PTPRM: variants seen among roughly 807,000 people sequenced by gnomAD.
PTPRM encodes the protein receptor-type tyrosine-protein phosphatase mu.
In PTPRM, 47 loss-of-function variants were observed where a neutral mutation model predicts 186.7. That is an observed-to-expected ratio of 0.25 (90% CI 0.20 to 0.32). PTPRM has a LOEUF of 0.32. Ranked by LOEUF, PTPRM falls within the 10% of genes least tolerant of loss-of-function variation. The probability of loss-of-function intolerance (pLI) is 1.00; values close to 1 mark genes in which losing one functional copy is unlikely to be tolerated. For synonymous variants in PTPRM, 668 were observed against 674.9 expected, an observed-to-expected ratio of 0.99 and a Z score of 0.16; for missense variants, 1,494 against 1,865.0, an observed-to-expected ratio of 0.80 and a Z score of 3.66.
chr18:7,741,348 C>T (rs2040881375), intron 1 of PTPRM: 1 of 152,124 alleles, frequency 6.6e-6, no homozygotes, highest in Non-Finnish European at 1.5e-5. Flanking sequence ...CATGCGTTTT[C>T]ATTGAGGCCA....
chr18:8,388,853 C>T (rs191198467), intron 31 of PTPRM, among the ~76,000 whole-genome samples: 18 of 152,090 alleles, frequency 1.2e-4, no homozygotes, highest in Admixed American at 4.6e-4. Context: ...CCCAGCTACT[C>T]GGGAGACTGA....
At chr18:7,751,032 C>G (rs2041191698) in intron 1 of PTPRM, 1 of 148,798 alleles carries the variant, frequency 6.7e-6, no homozygotes, top group South Asian at 2.2e-4. Flanking sequence ...CAGTGAGATG[C>G]ACACATATTT....
At chr18:7,570,110 A>C (rs1381452896) in intron 1 of PTPRM, among the ~76,000 whole-genome samples, 1 of 152,130 alleles carries the variant, frequency 6.6e-6, no homozygotes, top group East Asian at 1.9e-4. Context: ...TGGGTGACAG[A>C]GTGAGAATCC....
intron 2 of PTPRM, among the ~76,000 whole-genome samples, chr18:7,841,378 G>A (rs889165627): frequency 3.1e-5 from 4 of 130,866 alleles, no homozygotes; most frequent in South Asian, 2.6e-4. Flanking sequence ...TGCAAGCTCC[G>A]CCTCCTGGGT....
At chr18:8,172,822 A>AAAC (rs1055603091) in intron 14 of PTPRM, among the ~76,000 whole-genome samples, 1 of 152,214 alleles carries the variant, frequency 6.6e-6, no homozygotes, top group Non-Finnish European at 1.5e-5. Flanking sequence ...TCTCACCAGC[A>AAAC]AACACCATGG....
chr18:8,363,482 C>T (rs2095609097), intron 23 of PTPRM, among the ~76,000 whole-genome samples: 1 of 152,174 alleles, frequency 6.6e-6, no homozygotes, highest in Non-Finnish European at 1.5e-5. Flanking sequence ...GAAATGTCCT[C>T]TCTGATGTAC....
chr18:8,324,280 T>C (rs1241119247), intron 22 of PTPRM, among the ~76,000 whole-genome samples: 1 of 152,222 alleles, frequency 6.6e-6, no homozygotes, highest in Admixed American at 6.5e-5. Flanking sequence ...AGTATTGTTA[T>C]AATCGTTAGT....
intron 1 of PTPRM, among the ~76,000 whole-genome samples, chr18:7,715,827 A>G (rs1256149521): frequency 3.3e-5 from 5 of 152,306 alleles, no homozygotes; most frequent in African/African-American, 1.2e-4. Context: ...CTTCAAGGAG[A>G]ACTACAAACC....
chr18:7,993,017 T>TA (rs1474843884), intron 7 of PTPRM, among the ~76,000 whole-genome samples: 2 of 151,506 alleles, frequency 1.3e-5, no homozygotes, highest in African/African-American at 2.4e-5. Flanking sequence ...ACCACACAAT[T>TA]AAAAAAACAT....
chr18:7,802,662 G>A (rs536387572), intron 2 of PTPRM, among the ~76,000 whole-genome samples: 2 of 152,270 alleles, frequency 1.3e-5, no homozygotes, highest in South Asian at 2.1e-4. Context: ...CTGAACAAGC[G>A]ATTATGTCAC....
At chr18:8,263,389 G>A (rs1166493332) in intron 19 of PTPRM, among the ~76,000 whole-genome samples, 2 of 152,172 alleles carry the variant, frequency 1.3e-5, no homozygotes, top group Non-Finnish European at 2.9e-5. Flanking sequence ...GATAACAGGT[G>A]TGAGCCACCA....
chr18:8,327,581 G>A (rs760872355), intron 22 of PTPRM, among the ~76,000 whole-genome samples: 1 of 152,200 alleles, frequency 6.6e-6, no homozygotes, highest in Non-Finnish European at 1.5e-5. Flanking sequence ...GACTTACGAT[G>A]TGCCACGCAC....
intron 6 of PTPRM, among the ~76,000 whole-genome samples, chr18:7,952,688 C>CAA (rs759055250): frequency 8.5e-5 from 8 of 93,942 alleles, no homozygotes; most frequent in African/African-American, 1.2e-4. Context: ...GACTCCATCT[C>CAA]AAAAAAAAAA....
At chr18:7,919,452 T>A (rs1330775994) in intron 4 of PTPRM, among the ~76,000 whole-genome samples, 1 of 152,154 alleles carries the variant, frequency 6.6e-6, no homozygotes, top group Non-Finnish European at 1.5e-5. Context: ...CCTATGGGAT[T>A]TTCCTCTTAA....
intron 14 of PTPRM, among the ~76,000 whole-genome samples, chr18:8,220,947 C>T (rs2094146416): frequency 6.6e-6 from 1 of 152,094 alleles, no homozygotes; most frequent in Admixed American, 6.6e-5. Flanking sequence ...ACAGACTGTA[C>T]AAAACCCTTA....
At chr18:8,076,975 A>G (rs1345425033) in intron 9 of PTPRM, among the ~76,000 whole-genome samples, 3 of 152,196 alleles carry the variant, frequency 2.0e-5, no homozygotes, top group Admixed American at 6.5e-5. Context: ...GTCAATAAAT[A>G]TTGTCTCAGG....
chr18:7,783,746 TTTTG>T (rs888030830), intron 2 of PTPRM, among the ~76,000 whole-genome samples: 3 of 87,160 alleles, frequency 3.4e-5, no homozygotes, highest in African/African-American at 1.8e-4. Flanking sequence ...TAATTTTTAA[TTTTG>T]TGTGTGTGTG....
At chr18:7,988,409 G>A (rs2083084769) in intron 7 of PTPRM, among the ~76,000 whole-genome samples, 1 of 152,092 alleles carries the variant, frequency 6.6e-6, no homozygotes, top group Admixed American at 6.5e-5. Flanking sequence ...TTGTAATAAA[G>A]TATACATAAA....
intron 7 of PTPRM, among the ~76,000 whole-genome samples, chr18:7,975,837 C>T (rs2054896765): frequency 6.6e-6 from 1 of 152,132 alleles, no homozygotes; most frequent in East Asian, 1.9e-4. Context: ...CTATGATGTT[C>T]ACACAATGAT....
Sources: allele counts gnomAD v4.1 joint callset (sites outside exome capture counted in the v4.1 genomes callset), GRCh38; gene constraint gnomAD v4.1.1; transcripts MANE v1.5; gene names NCBI Gene and HGNC (gene_info 2026-07-23, HGNC 2026-07-21).